The following KIAA2012 variants were observed in gnomAD, a reference collection of about 807,000 sequenced individuals.
The protein encoded by KIAA2012 is uncharacterized protein KIAA2012.
A neutral mutation model predicts 150.6 loss-of-function variants in KIAA2012; 125 were observed. That is an observed-to-expected ratio of 0.83 (90% CI 0.72 to 0.96). The LOEUF (loss-of-function observed/expected upper bound fraction) is 0.96. Among genes scored for constraint, KIAA2012 ranks in the 40% least tolerant of loss-of-function variants. KIAA2012 has a pLI of 0.00. For missense variants in KIAA2012, 1,219 were observed against 1,354.9 expected (o/e 0.90, Z 1.57); for synonymous variants, 462 against 504.7 (o/e 0.92, Z 1.13).
chr2:202,186,478 C>CTCCA, intron 16 of KIAA2012, among the ~76,000 whole-genome samples: 1 of 150,584 alleles, frequency 6.6e-6, no homozygotes, highest in Middle Eastern at 3.3e-3. Flanking sequence ...CACCATTGCA[C>CTCCA]TCCAGCCTGG....
At chr2:202,092,470 G>A (rs945844352) in intron 3 of KIAA2012, among the ~76,000 whole-genome samples, 1 of 152,154 alleles carries the variant, frequency 6.6e-6, no homozygotes, top group African/African-American at 2.4e-5. Flanking sequence ...CTTGTTTTCT[G>A]AACTTATATT....
chr2:202,191,343 C>T (rs918829602), intron 19 of KIAA2012, among the ~76,000 whole-genome samples: 1 of 151,906 alleles, frequency 6.6e-6, no homozygotes, highest in African/African-American at 2.4e-5. Context: ...ATGTGGAGGT[C>T]TGAAGAGAAA....
At chr2:202,177,784 A>G (rs1692027203) in intron 15 of KIAA2012, among the ~76,000 whole-genome samples, 1 of 152,226 alleles carries the variant, frequency 6.6e-6, no homozygotes, top group South Asian at 2.1e-4. Context: ...ACACTGCTGC[A>G]TTGAATATTG....
At position 202,075,124 on chromosome 2, in the gene KIAA2012, G is replaced by A. The variant is rs763128207; in HGVS notation, c.318G>A (p.Leu106=). Residue 106 remains leucine (L), a synonymous_variant, in exon 2 of 24, where the codon CTG becomes CTA. Coordinates refer to ENST00000498697, the MANE Select transcript of KIAA2012 (RefSeq NM_001277372.4). ...RGPWRKLDLE[L]HTLQDLKEAI... ...CCTGGAGGAAGCTGGATCTTGAACT[G>A]CACACACTTCAAGACCTCAAAGAAG... The A allele has an allele frequency of 1.3e-6, 2 of 1,550,268 alleles. No homozygotes were observed. Among genetic ancestry groups the A allele is most frequent in the South Asian group, 2.4e-5 (2 of 84,018 alleles).
chr2:202,154,703 C>G lies in KIAA2012; in HGVS notation c.1939C>G (p.Gln647Glu), dbSNP rs1399653412. The G allele has an allele frequency of 4.5e-6, 7 of 1,548,548 alleles. No individual in the cohort carries two copies. In the East Asian group the frequency reaches 1.7e-4, roughly 38 times the overall value. Residue 647 changes from glutamine (Q) to glutamate (E), a missense_variant, in exon 14 of 24, where the codon CAG becomes GAG. Transcript: ENST00000498697. ...GAQQSLEAAA[Q>E]KTGEPQSCIN... ...CCAGCAGTCCTTGGAGGCAGCAGCTCAGAAGACAGGAGAGCCTCAAAGTTG... is the reference window on the plus strand; with the variant it reads ...CCAGCAGTCCTTGGAGGCAGCAGCTGAGAAGACAGGAGAGCCTCAAAGTTG...
chr2:202,152,454 G>A (rs916127903), intron 13 of KIAA2012, among the ~76,000 whole-genome samples: 2 of 152,146 alleles, frequency 1.3e-5, no homozygotes, highest in African/African-American at 4.8e-5. Context: ...GTTGGAACTC[G>A]TCTTGACTAT....
chr2:202,183,856 C>T (rs1469038225), intron 15 of KIAA2012, among the ~76,000 whole-genome samples: 1 of 152,132 alleles, frequency 6.6e-6, no homozygotes, highest in Non-Finnish European at 1.5e-5. Flanking sequence ...AAAATATAAA[C>T]ACACCTAAAC....
intron 22 of KIAA2012, chr2:202,201,283 A>C: frequency 1.3e-6 from 2 of 1,573,868 alleles, no homozygotes; most frequent in Non-Finnish European, 1.7e-6. Context: ...CATGTGTCTA[A>C]ACTGCAACTT....
chr2:202,169,588 G>A (rs1437563493), intron 15 of KIAA2012, among the ~76,000 whole-genome samples: 1 of 152,222 alleles, frequency 6.6e-6, no homozygotes, highest in African/African-American at 2.4e-5. Context: ...TTCGTGGCTA[G>A]TGTACCAAGT....
chr2:202,095,696 T>A (rs1284836913), intron 4 of KIAA2012, among the ~76,000 whole-genome samples: 1 of 152,180 alleles, frequency 6.6e-6, no homozygotes, highest in Non-Finnish European at 1.5e-5. Context: ...TTGAGTCACA[T>A]ATTCAAACTC....
At chr2:202,153,281 A>C (rs1173636503) in intron 13 of KIAA2012, among the ~76,000 whole-genome samples, 1 of 152,082 alleles carries the variant, frequency 6.6e-6, no homozygotes, top group Non-Finnish European at 1.5e-5. Context: ...AGATGGCTGC[A>C]CAAGCCTCAG....
intron 16 of KIAA2012, among the ~76,000 whole-genome samples, chr2:202,185,784 G>T (rs1270282720): frequency 6.6e-6 from 1 of 151,734 alleles, no homozygotes; most frequent in East Asian, 1.9e-4. Flanking sequence ...CTCATTTGCA[G>T]CATACCTATT....
chr2:202,152,900 T>G (rs1691455916), intron 13 of KIAA2012, among the ~76,000 whole-genome samples: 3 of 152,202 alleles, frequency 2.0e-5, no homozygotes, highest in Admixed American at 1.3e-4. Flanking sequence ...GAGATGGCCT[T>G]CTGAGAGTCT....
At chr2:202,167,432 G>T (rs930770240) in intron 15 of KIAA2012, among the ~76,000 whole-genome samples, 1 of 152,168 alleles carries the variant, frequency 6.6e-6, no homozygotes, top group Non-Finnish European at 1.5e-5. Context: ...GATGCTGGTG[G>T]ACCAGCAACC....
chr2:202,187,230 C>A, intron 17 of KIAA2012, 132 bp downstream of exon 17: 1 of 976,242 alleles, frequency 1.0e-6, no homozygotes, highest in Non-Finnish European at 1.5e-6. Flanking sequence ...CACTGAGGTC[C>A]AGCCTGTGGT....
At chr2:202,085,632 T>G (rs1575002061) in intron 2 of KIAA2012, among the ~76,000 whole-genome samples, 1 of 152,342 alleles carries the variant, frequency 6.6e-6, no homozygotes, top group South Asian at 2.1e-4. Flanking sequence ...CATTTTGAAC[T>G]TCTAACCTCC....
intron 2 of KIAA2012, among the ~76,000 whole-genome samples, chr2:202,080,436 G>T (rs562599194): frequency 6.6e-6 from 1 of 152,154 alleles, no homozygotes; most frequent in Non-Finnish European, 1.5e-5. Context: ...GCACACGCCT[G>T]TAATACCAAC....
intron 22 of KIAA2012, among the ~76,000 whole-genome samples, chr2:202,200,850 G>A (rs1692506540): frequency 6.6e-6 from 1 of 151,758 alleles, no homozygotes; most frequent in Admixed American, 6.6e-5. Flanking sequence ...GGGATTACAG[G>A]CATGCACCAC....
At position 202,135,450 on chromosome 2, in the gene KIAA2012, C is replaced by T. The variant is rs578065016; in HGVS notation, c.1832-2982C>T. ...CAGTTTCTTTGACTTGATCTTGCCGCATCGTTCTGAAAGGAGGTTTTACCA... is the reference window on the plus strand; with the variant it reads ...CAGTTTCTTTGACTTGATCTTGCCGTATCGTTCTGAAAGGAGGTTTTACCA... On this transcript the variant is annotated intron_variant, in intron 12 of 23. Coordinates refer to ENST00000498697, the MANE Select transcript of KIAA2012 (RefSeq NM_001277372.4). Among the ~76,000 whole-genome samples, 62 of 152,282 alleles carry T rather than the reference C, an allele frequency of 4.1e-4. No homozygotes were observed. In the South Asian group the frequency reaches 9.5e-3, roughly 23 times the overall value.
Sources: allele counts gnomAD v4.1 joint callset (sites outside exome capture counted in the v4.1 genomes callset), GRCh38; gene constraint gnomAD v4.1.1; transcripts MANE v1.5; gene names NCBI Gene and HGNC (gene_info 2026-07-23, HGNC 2026-07-21).